Variants in KCNAB2 observed in about 807,000 individuals in gnomAD.
KCNAB2 encodes potassium voltage-gated channel subfamily A regulatory beta subunit 2.
Under a neutral mutation model 63.6 loss-of-function variants are expected in KCNAB2, and 29 were observed. The ratio of observed to expected loss-of-function variants is 0.46; its 90% confidence interval spans 0.34 to 0.62. The LOEUF is 0.62. Among genes scored for constraint, KCNAB2 ranks in the 20% least tolerant of loss-of-function variants. The pLI is 0.01. For synonymous variants in KCNAB2, 222 were observed against 224.2 expected, an observed-to-expected ratio of 0.99 and a Z score of 0.09; for missense variants, 359 against 563.9, an observed-to-expected ratio of 0.64 and a Z score of 3.68.
chr1:6,040,761 A>G, intron 2 of KCNAB2: 1 of 644,410 alleles, frequency 1.6e-6, no homozygotes, highest in Non-Finnish European at 2.8e-6. Flanking sequence ...CAGGGCCCAC[A>G]GGCTTCTGCC....
In KCNAB2 at chr1:6,098,465, G is replaced by T; in HGVS notation, c.1159-20G>T. On this transcript the variant is annotated intron_variant, in intron 15 of 15. Coordinates refer to ENST00000378083, the MANE Select transcript of KCNAB2 (RefSeq NM_001199862.2). ...CGTCTTGTTGGTGGGATTCTGATTT[G>T]TTGTTGTTCTTGCACGCAGGTCCTT... 2 of 1,613,416 alleles carry T rather than the reference G, an allele frequency of 1.2e-6. No homozygotes were observed. Among genetic ancestry groups the T allele is most frequent in the Non-Finnish European group, 1.7e-6 (2 of 1,179,650 alleles).
intron 13 of KCNAB2, 60 bp downstream of exon 13, chr1:6,095,684 A>G: frequency 1.3e-6 from 2 of 1,507,606 alleles, no homozygotes; most frequent in African/African-American, 1.4e-5. Context: ...GACGGGTGGG[A>G]CCTTTGGGCC....
chr1:6,092,143 C>T (rs1219414149), intron 10 of KCNAB2, among the ~76,000 whole-genome samples: 1 of 152,276 alleles, frequency 6.6e-6, no homozygotes, highest in Non-Finnish European at 1.5e-5. Context: ...AGGATTCAGT[C>T]TTCCTACTTC....
Position 6,074,705 on chromosome 1 carries a change from AC to A in KCNAB2, c.300+939del, listed in dbSNP as rs1308201514. Among the ~76,000 whole-genome samples, 1 of 152,126 alleles carries A rather than the reference AC, an allele frequency of 6.6e-6. No homozygotes were observed. Among genetic ancestry groups the A allele is most frequent in the Non-Finnish European group, 1.5e-5 (1 of 68,024 alleles). On this transcript the variant is annotated intron_variant, in intron 4 of 15. Coordinates refer to ENST00000378083, the MANE Select transcript of KCNAB2 (RefSeq NM_001199862.2). The surrounding 1 kb of genome is among the most constrained non-coding windows in gnomAD (Gnocchi z 4.9). ...CCGGGCGCGGTGACTCACACCTGTA[AC>A]CCCAGCACTTTGGAAGGCTGGGGCG...
Position 6,028,181 on chromosome 1 carries a change from C to T in KCNAB2, c.-52-12336C>T, listed in dbSNP as rs1432835786. ...GCATTGACCCTCTGCCATCAGATCC[C>T]ACCCAGGGAAGGAATGGGCTCCTGT... On this transcript the variant is annotated intron_variant, in intron 1 of 16. Coordinates refer to the KCNAB2 transcript ENST00000341524. This position sits in a 1 kb window ranked among gnomAD's most constrained non-coding sequence, Gnocchi z 4.0. Among the ~76,000 whole-genome samples the T allele has an allele frequency of 1.3e-5, 2 of 152,242 alleles. No individual in the cohort carries two copies. Among genetic ancestry groups the T allele is most frequent in the Non-Finnish European group, 2.9e-5 (2 of 68,052 alleles).
chr1:6,082,287 T>C lies in KCNAB2; in HGVS notation c.380+13T>C. On this transcript the variant is annotated intron_variant, in intron 5 of 15. Transcript: ENST00000378083. The stretch of plus-strand genomic sequence containing the variant: ...ACGCAGCCGGCAAGTACGTGTCTTT[T>C]CACACGGGAAAAAGTGGTTCAGAAT... The C allele has an allele frequency of 6.3e-7, 1 of 1,594,836 alleles. No homozygotes were observed. Among genetic ancestry groups the C allele is most frequent in the African/African-American group, 1.6e-5 (1 of 63,462 alleles).
At chr1:6,031,724 TAAA>T (rs60928974), upstream of KCNAB2, among the ~76,000 whole-genome samples, 3,695 of 146,194 alleles carry the variant, frequency 0.025, 49 homozygotes, top group Non-Finnish European at 0.028. The surrounding 1 kb of genome is among the most constrained non-coding windows in gnomAD (Gnocchi z 4.1). Context: ...TCATCTCTAT[TAAA>T]AAAAAAAAAA....
intron 3 of KCNAB2, 139 bp downstream of exon 3, chr1:6,072,937 A>T: frequency 1.6e-4 from 97 of 608,894 alleles, no homozygotes; most frequent in Non-Finnish European, 2.0e-4. Context: ...CCCAGAGCCC[A>T]GGATTCAGGG....
Position 6,078,744 on chromosome 1 carries a change from C to T in KCNAB2, c.301-3451C>T, listed in dbSNP as rs1425830905. On this transcript the variant is annotated intron_variant, in intron 4 of 15. Coordinates refer to ENST00000378083, the MANE Select transcript of KCNAB2 (RefSeq NM_001199862.2). The surrounding 1 kb of genome is among the most constrained non-coding windows in gnomAD (Gnocchi z 4.2). ...GCCCTGGCTGCTGCACTGGGAATGG[C>T]GAGTCATGAGGATGTCCCAGAGTTC... Among the ~76,000 whole-genome samples, 1 of 152,166 alleles carries T rather than the reference C, an allele frequency of 6.6e-6. No homozygotes were observed. Among genetic ancestry groups the T allele is most frequent in the African/African-American group, 2.4e-5 (1 of 41,442 alleles).
chr1:6,009,873 CTTT>C (rs202118090), intron 1 of KCNAB2, among the ~76,000 whole-genome samples: 4 of 139,044 alleles, frequency 2.9e-5, no homozygotes, highest in Admixed American at 7.2e-5. Context: ...TTCTTTTTTT[CTTT>C]TTTTTTTTTT....
chr1:6,011,675 C>T (rs570626819), intron 1 of KCNAB2, among the ~76,000 whole-genome samples: 6 of 152,328 alleles, frequency 3.9e-5, no homozygotes, highest in South Asian at 2.1e-4. Flanking sequence ...GAAATAGAAA[C>T]GGGGCTCTGG....
At chr1:6,090,857 T>C (rs1047509648) in intron 9 of KCNAB2, among the ~76,000 whole-genome samples, 3 of 152,188 alleles carry the variant, frequency 2.0e-5, no homozygotes, top group Non-Finnish European at 4.4e-5. Context: ...TCACCATCCA[T>C]TGGGAAGCTT....
Position 6,094,263 on chromosome 1 carries a change from G to A in KCNAB2, c.647-137G>A, listed in dbSNP as rs1360437984. ...CTCCCACACCCAACTTCAGAGCCAG[G>A]AAGTACACTGCTTGCAAGACATCTT... On this transcript the variant is annotated intron_variant, in intron 10 of 15. Transcript: ENST00000378083. The A allele has an allele frequency of 2.3e-5, 15 of 640,510 alleles. No homozygotes were observed. In the East Asian group the frequency reaches 2.5e-4, roughly 11 times the overall value. The allele number at this position is 640,510 out of a possible 1,614,324, so 39.7% of individuals were successfully genotyped here. A position where few individuals can be genotyped will look rare whatever the true frequency, so the allele number is the denominator to read the frequency against.
chr1:6,073,602 C>A lies in KCNAB2; in HGVS notation c.263-131C>A. ...AGCTGTCCACACACACTAAGGACACCCTGGCCACAGAGCAGCACAGAGGGA... is the reference window on the plus strand; with the variant it reads ...AGCTGTCCACACACACTAAGGACACACTGGCCACAGAGCAGCACAGAGGGA... On this transcript the variant is annotated intron_variant, in intron 3 of 15. Transcript: ENST00000378083. This position sits in a 1 kb window ranked among gnomAD's most constrained non-coding sequence, Gnocchi z 5.7. The A allele has an allele frequency of 1.2e-6, 1 of 816,400 alleles. No homozygotes were observed. Among genetic ancestry groups the A allele is most frequent in the Non-Finnish European group, 2.1e-6 (1 of 469,270 alleles). 50.6% of individuals were successfully genotyped at this position (816,400 alleles called of 1,614,324 possible). A position where few individuals can be genotyped will look rare whatever the true frequency, so the allele number is the denominator to read the frequency against.
At position 6,073,809 on chromosome 1, in the gene KCNAB2, G is replaced by A. The variant is rs761171431; in HGVS notation, c.300+39G>A. On this transcript the variant is annotated intron_variant, in intron 4 of 15. Coordinates refer to ENST00000378083, the MANE Select transcript of KCNAB2 (RefSeq NM_001199862.2). The surrounding 1 kb of genome is among the most constrained non-coding windows in gnomAD (Gnocchi z 5.7). ...CTCCCAGCACCCCAGAACCCAGCAC[G>A]GGCTCGCCAGAGCACATGGTTAAGT... is the stretch of plus-strand genomic sequence containing the variant. 21 of 1,606,458 alleles carry A rather than the reference G, an allele frequency of 1.3e-5. No homozygotes were observed. Among genetic ancestry groups the A allele is most frequent in the South Asian group, 9.9e-5 (9 of 90,958 alleles).
chr1:6,097,889 C>G (rs1665780213), intron 15 of KCNAB2: 1 of 192,662 alleles, frequency 5.2e-6, no homozygotes, highest in Non-Finnish European at 1.1e-5. Context: ...GGAGGGCGAG[C>G]TGCAGCTCAG....
intron 1 of KCNAB2, among the ~76,000 whole-genome samples, chr1:5,996,427 A>T (rs1315080908): frequency 5.3e-5 from 8 of 152,156 alleles, no homozygotes; most frequent in Non-Finnish European, 1.2e-4. Context: ...TGCCACTGCC[A>T]CACCCAGGTT....
At chr1:6,007,149 G>C (rs930194570) in intron 1 of KCNAB2, among the ~76,000 whole-genome samples, 1 of 152,090 alleles carries the variant, frequency 6.6e-6, no homozygotes, top group South Asian at 2.1e-4. Context: ...AGCTGGGAGC[G>C]CCACCACTCC....
chr1:6,037,297 G>C (rs545472071), intron 1 of KCNAB2, among the ~76,000 whole-genome samples: 1 of 152,226 alleles, frequency 6.6e-6, no homozygotes, highest in Admixed American at 6.5e-5. Context: ...AGTGAAGTGT[G>C]GGGTGGGCTA....
Sources: allele counts gnomAD v4.1 joint callset (sites outside exome capture counted in the v4.1 genomes callset), GRCh38; gene constraint gnomAD v4.1.1; non-coding constraint Gnocchi (gnomAD v3.1); transcripts MANE v1.5; gene names NCBI Gene and HGNC (gene_info 2026-07-23, HGNC 2026-07-21).